Variants in SCAI observed in about 807,000 individuals in gnomAD.
SCAI encodes suppressor of cancer cell invasion.
A neutral mutation model predicts 92.2 loss-of-function variants in SCAI; 24 were observed. That is an observed-to-expected ratio of 0.26 (90% CI 0.19 to 0.37). SCAI has a LOEUF of 0.37. Ranked by LOEUF, SCAI falls within the 10% of genes least tolerant of loss-of-function variation. The probability of loss-of-function intolerance (pLI) is 1.00; values close to 1 mark genes in which losing one functional copy is unlikely to be tolerated. For missense variants in SCAI, 450 were observed against 736.2 expected (o/e 0.61, Z 4.50); for synonymous variants, 261 against 258.6 (o/e 1.01, Z -0.09).
intron 2 of SCAI, chr9:125,066,199 T>C (rs1833865477): frequency 1.9e-6 from 1 of 515,312 alleles, no homozygotes; most frequent in Admixed American, 3.9e-5. Flanking sequence ...AGTTTCTGGA[T>C]AAAAGGTCAA....
chr9:124,946,160 A>G lies in SCAI; in HGVS notation c.*6647T>C, dbSNP rs1431287963. 2 of 152,216 alleles carry G rather than the reference A, an allele frequency of 1.3e-5. No homozygotes were observed. The highest frequency in any genetic ancestry group is 1.3e-4 in the Admixed American group (2 of 15,272). 9.4% of individuals were successfully genotyped at this position (152,216 alleles called of 1,614,324 possible). On this transcript the variant is annotated 3_prime_UTR_variant, in exon 18 of 18. Coordinates refer to ENST00000336505, the MANE Select transcript of SCAI (RefSeq NM_001144877.3). This position sits in a 1 kb window ranked among gnomAD's most constrained non-coding sequence, Gnocchi z 4.0. Reference sequence around the variant, plus strand: ...TTTTAAATGGTATAATATCTGCTCTACTACTCTCCAGTGCAAAAACAATGA... The same window carrying G: ...TTTTAAATGGTATAATATCTGCTCTGCTACTCTCCAGTGCAAAAACAATGA...
intron 2 of SCAI, among the ~76,000 whole-genome samples, chr9:125,104,666 G>C (rs1052963579): frequency 1.5e-4 from 23 of 151,244 alleles, no homozygotes; most frequent in African/African-American, 4.9e-4. Context: ...CACTTTGGGA[G>C]GGTGAGGCAG....
At chr9:124,993,766 G>T (rs1377116436) in intron 14 of SCAI, among the ~76,000 whole-genome samples, 1 of 152,032 alleles carries the variant, frequency 6.6e-6, no homozygotes, top group South Asian at 2.1e-4. Context: ...TATACTTGGG[G>T]TCAGCTCTCT....
intron 2 of SCAI, among the ~76,000 whole-genome samples, chr9:125,111,778 T>C (rs775108027): frequency 6.6e-6 from 1 of 152,054 alleles, no homozygotes; most frequent in Non-Finnish European, 1.5e-5. Flanking sequence ...GCTGACTGCC[T>C]TGAGAGCATT....
intron 2 of SCAI, among the ~76,000 whole-genome samples, chr9:125,064,620 C>G (rs562467691): frequency 1.2e-4 from 19 of 152,086 alleles, no homozygotes; most frequent in Admixed American, 1.0e-3. Flanking sequence ...CTGAGGTGGG[C>G]AGATCACCTG....
At chr9:125,129,755 C>T (rs1233438477) in intron 2 of SCAI, among the ~76,000 whole-genome samples, 3 of 151,400 alleles carry the variant, frequency 2.0e-5, no homozygotes, top group Non-Finnish European at 4.4e-5. Flanking sequence ...TGAGCCACCA[C>T]GCATGGGCAA....
chr9:125,106,292 G>A (rs1013635137), intron 2 of SCAI, among the ~76,000 whole-genome samples: 7 of 149,490 alleles, frequency 4.7e-5, no homozygotes, highest in Admixed American at 6.7e-5. Context: ...ACAAGCATTG[G>A]AAGATTCATT....
chr9:124,978,232 A>G (rs1318648304), intron 14 of SCAI, among the ~76,000 whole-genome samples: 1 of 152,182 alleles, frequency 6.6e-6, no homozygotes, highest in Non-Finnish European at 1.5e-5. Flanking sequence ...ACCTGAGGTC[A>G]GGAGTGGAGA....
intron 9 of SCAI, among the ~76,000 whole-genome samples, chr9:125,007,201 A>G (rs897941387): frequency 1.3e-5 from 2 of 152,198 alleles, no homozygotes; most frequent in African/African-American, 2.4e-5. Flanking sequence ...TAGTAATTAT[A>G]AATATTAATA....
rs879609819 is a variant in SCAI, at chr9:125,044,953, G to A, written c.230+10923C>T. On this transcript the variant is annotated intron_variant, in intron 3 of 17. Coordinates refer to ENST00000336505, the MANE Select transcript of SCAI (RefSeq NM_001144877.3). ...TGCCTGGAGATGCCTGCCCCACCAC[G>A]GCAGCTAGCTTGCTTGGCTGTGCAC... is the stretch of plus-strand genomic sequence containing the variant. Among the ~76,000 whole-genome samples, 6 of 152,186 alleles carry A rather than the reference G, an allele frequency of 3.9e-5. No homozygotes were observed. In the East Asian group the frequency reaches 7.7e-4, roughly 20 times the overall value.
chr9:125,083,117 C>T (rs72765268), intron 2 of SCAI, among the ~76,000 whole-genome samples: 1,651 of 152,266 alleles, frequency 0.011, 18 homozygotes, highest in Non-Finnish European at 0.016. Flanking sequence ...GCAAGTCTTT[C>T]CTGTCCTGTT....
chr9:125,096,876 A>C (rs10760390), intron 2 of SCAI, among the ~76,000 whole-genome samples: 2 of 152,166 alleles, frequency 1.3e-5, no homozygotes, highest in South Asian at 2.1e-4. Context: ...TTATTCACTT[A>C]AAGTATTGCA....
At chr9:125,127,110 C>T (rs1176282245) in intron 2 of SCAI, among the ~76,000 whole-genome samples, 1 of 152,092 alleles carries the variant, frequency 6.6e-6, no homozygotes, top group East Asian at 1.9e-4. Context: ...ACCTGCAACC[C>T]CACGTCCTAG....
At chr9:125,078,795 C>T (rs1834148499) in intron 2 of SCAI, among the ~76,000 whole-genome samples, 1 of 152,082 alleles carries the variant, frequency 6.6e-6, no homozygotes, top group South Asian at 2.1e-4. Context: ...CCTGTAGCCC[C>T]AGCTACTTAG....
At chr9:124,970,854 G>A (rs964354533) in intron 17 of SCAI, among the ~76,000 whole-genome samples, 3 of 151,696 alleles carry the variant, frequency 2.0e-5, no homozygotes, top group East Asian at 1.9e-4. Flanking sequence ...CGTTCTTGTC[G>A]TCCAGGCTGG....
At chr9:125,140,137 C>A (rs1400960097) in intron 2 of SCAI, among the ~76,000 whole-genome samples, 1 of 152,070 alleles carries the variant, frequency 6.6e-6, no homozygotes, top group Non-Finnish European at 1.5e-5. Flanking sequence ...GGAAGGATTA[C>A]CAGGTCGAGG....
chr9:125,077,387 A>G (rs183862032), intron 2 of SCAI, among the ~76,000 whole-genome samples: 1 of 152,332 alleles, frequency 6.6e-6, no homozygotes, highest in Non-Finnish European at 1.5e-5. Flanking sequence ...CTTTTTGGCT[A>G]CTATGAATAA....
chr9:124,985,094 G>C (rs1588132750), intron 14 of SCAI, among the ~76,000 whole-genome samples: 1 of 152,234 alleles, frequency 6.6e-6, no homozygotes, highest in East Asian at 1.9e-4. Flanking sequence ...CATTAAACTG[G>C]AATCCTCAGG....
At chr9:125,040,881 G>A (rs62584366) in intron 3 of SCAI, among the ~76,000 whole-genome samples, 26,448 of 151,548 alleles carry the variant, frequency 0.17, 2,901 homozygotes, top group Non-Finnish European at 0.23. Flanking sequence ...GTGATCCGCC[G>A]TCTTGGCCTC....
Sources: gnomAD v4.1 joint callset for allele counts (sites outside exome capture counted in the v4.1 genomes callset) on GRCh38, gnomAD v4.1.1 for gene constraint, Gnocchi (gnomAD v3.1) non-coding constraint, MANE v1.5 for transcripts, NCBI Gene and HGNC (gene_info 2026-07-23, HGNC 2026-07-21) for gene names.